The following ZNF521 variants were observed in gnomAD, a reference collection of about 807,000 sequenced individuals.
ZNF521 encodes the protein LYST-interacting protein 3.
In ZNF521, 14 loss-of-function variants were observed where a neutral mutation model predicts 105.5. The observed-to-expected ratio is 0.13, with a 90% CI of 0.09 to 0.21. The LOEUF (loss-of-function observed/expected upper bound fraction) is 0.21. Ranked by LOEUF, ZNF521 falls within the 10% of genes least tolerant of loss-of-function variation. The pLI, the probability that ZNF521 is intolerant of heterozygous loss-of-function variation, is 1.00. For missense variants in ZNF521, 1,233 were observed against 1,629.7 expected (o/e 0.76, Z 4.19); for synonymous variants, 635 against 606.0 (o/e 1.05, Z -0.70).
chr18:25,065,891 G>T (rs991876749), intron 7 of ZNF521, among the ~76,000 whole-genome samples: 5 of 152,158 alleles, frequency 3.3e-5, no homozygotes. Context: ...GCAAGGACAT[G>T]AACAAATACA....
At chr18:25,141,215 A>C (rs1317190129) in intron 5 of ZNF521, among the ~76,000 whole-genome samples, 1 of 152,226 alleles carries the variant, frequency 6.6e-6, no homozygotes, top group East Asian at 1.9e-4. Context: ...TGACTGAATT[A>C]GAGGAATTTT....
At position 25,320,179 on chromosome 18, in the gene ZNF521, TC is replaced by T. The variant is rs757620463; in HGVS notation, c.220+1828del. 1.1e-3 allele frequency among the ~76,000 whole-genome samples: 164 copies of T among 152,314 alleles called. 3 individuals are homozygous for T. Among genetic ancestry groups the T allele is most frequent in the Non-Finnish European group, 1.2e-3 (85 of 68,034 alleles). Reference sequence around the variant, plus strand: ...ATCTATTTGTGTTAAAGGTTAACTTTCTTTTTTTTTGAGACAGAGTTTCGTT... The same window carrying T: ...ATCTATTTGTGTTAAAGGTTAACTTTTTTTTTTTTGAGACAGAGTTTCGTT... On this transcript the variant is annotated intron_variant, in intron 3 of 7. Transcript: ENST00000361524.
At position 25,282,753 on chromosome 18, in the gene ZNF521, CT is replaced by C. The variant is rs202204251; in HGVS notation, c.220+39254del. ...ATTATTTTAGTAAAAAATCCTACTG[CT>C]TTTTTTTCCCCCCTTTAGGCCTTTA... On this transcript the variant is annotated intron_variant, in intron 3 of 7. Transcript: ENST00000361524. Among the ~76,000 whole-genome samples the C allele has an allele frequency of 5.3e-3, 813 of 152,018 alleles. 8 individuals carry two copies. The highest frequency in any genetic ancestry group is 0.016 in the African/African-American group (683 of 41,462).
At chr18:25,312,399 T>G (rs2145112978) in intron 3 of ZNF521, among the ~76,000 whole-genome samples, 1 of 152,282 alleles carries the variant, frequency 6.6e-6, no homozygotes, top group South Asian at 2.1e-4. Flanking sequence ...GTACTAATAT[T>G]CAAAAACTTC....
chr18:25,073,478 T>C (rs576075775), intron 7 of ZNF521, among the ~76,000 whole-genome samples: 1 of 152,326 alleles, frequency 6.6e-6, no homozygotes, highest in East Asian at 1.9e-4. Flanking sequence ...CATTGAAATT[T>C]AGTTACACAC....
intron 5 of ZNF521, among the ~76,000 whole-genome samples, chr18:25,134,099 C>T (rs149744670): frequency 2.1e-4 from 32 of 152,200 alleles, no homozygotes; most frequent in East Asian, 1.2e-3. Context: ...TTACTGCTGG[C>T]GGCCTATAAA....
At chr18:25,172,640 C>G (rs2035468054) in intron 5 of ZNF521, among the ~76,000 whole-genome samples, 1 of 152,136 alleles carries the variant, frequency 6.6e-6, no homozygotes, top group African/African-American at 2.4e-5. Flanking sequence ...ATAGACATTA[C>G]TAAATGCGTT....
At chr18:25,203,007 G>A (rs1341150211) in intron 4 of ZNF521, among the ~76,000 whole-genome samples, 2 of 152,152 alleles carry the variant, frequency 1.3e-5, no homozygotes, top group African/African-American at 4.8e-5. Flanking sequence ...AAAAATCCAT[G>A]TAACACTTTA....
At chr18:25,197,438 T>G (rs2035921656) in intron 4 of ZNF521, among the ~76,000 whole-genome samples, 1 of 151,872 alleles carries the variant, frequency 6.6e-6, no homozygotes, top group South Asian at 2.1e-4. Context: ...AAAATTCATT[T>G]TTACCCTTAA....
chr18:25,226,913 C>T lies in ZNF521; in HGVS notation c.1005G>A (p.Pro335=), dbSNP rs746760197. 58 of 1,613,742 alleles carry T rather than the reference C, an allele frequency of 3.6e-5. No individual in the cohort carries two copies. The highest frequency in any genetic ancestry group is 1.6e-4 in the Middle Eastern group (1 of 6,084). ...GGCTGTTGCTGTGATTGCATGACTC[C>T]GGTTGCTGGTGACTGTCCATGTGGC... The part of the protein sequence containing the change: ...LYSHMDSHQQ[P]ESCNHSNSPS... The change falls in exon 4 of 8, where the codon CCG becomes CCA. Residue 335 remains proline (P), a synonymous_variant. Transcript: ENST00000361524. The surrounding 1 kb of genome is among the most constrained non-coding windows in gnomAD (Gnocchi z 4.1).
chr18:25,106,519 C>A (rs896963490), intron 5 of ZNF521, among the ~76,000 whole-genome samples: 12 of 152,086 alleles, frequency 7.9e-5, no homozygotes, highest in African/African-American at 2.9e-4. Context: ...ATCACAATAG[C>A]AGCACATTAC....
intron 4 of ZNF521, among the ~76,000 whole-genome samples, chr18:25,206,304 G>A (rs558262342): frequency 1.4e-4 from 22 of 152,170 alleles, no homozygotes; most frequent in African/African-American, 4.8e-4. Context: ...CAGAGCCACC[G>A]CGCCCGGCCC....
At chr18:25,274,094 AG>A (rs1909879145) in intron 3 of ZNF521, among the ~76,000 whole-genome samples, 1 of 152,206 alleles carries the variant, frequency 6.6e-6, no homozygotes, top group African/African-American at 2.4e-5. Context: ...CCAAAGGGCA[AG>A]GGAAGAACCT....
intron 3 of ZNF521, among the ~76,000 whole-genome samples, chr18:25,316,545 A>C (rs1477197753): frequency 6.6e-6 from 1 of 152,140 alleles, no homozygotes; most frequent in African/African-American, 2.4e-5. Context: ...CAAGCAAGAA[A>C]GCAAAAGCAT....
intron 7 of ZNF521, among the ~76,000 whole-genome samples, chr18:25,080,034 G>A (rs1251134161): frequency 7.2e-5 from 11 of 152,202 alleles, no homozygotes; most frequent in Non-Finnish European, 7.3e-5. Flanking sequence ...TCCAGTGAAG[G>A]ATGGTCTCCT....
At chr18:25,306,411 T>A (rs890297243) in intron 3 of ZNF521, among the ~76,000 whole-genome samples, 10 of 152,286 alleles carry the variant, frequency 6.6e-5, no homozygotes, top group Admixed American at 2.0e-4. Context: ...AAGGTGGGCA[T>A]AACCAGTAAT....
intron 5 of ZNF521, among the ~76,000 whole-genome samples, chr18:25,117,010 C>T (rs1567968765): frequency 1.0e-5 from 1 of 98,612 alleles, no homozygotes; most frequent in African/African-American, 4.7e-5. Context: ...TATACATACA[C>T]ACACACACAT....
intron 2 of ZNF521, among the ~76,000 whole-genome samples, chr18:25,335,296 C>A (rs983253902): frequency 1.3e-5 from 2 of 152,174 alleles, no homozygotes; most frequent in Non-Finnish European, 2.9e-5. Flanking sequence ...GTCACAAAGT[C>A]ATGGTGTGAC....
chr18:25,111,765 T>G (rs1406711059), intron 5 of ZNF521, among the ~76,000 whole-genome samples: 1 of 152,242 alleles, frequency 6.6e-6, no homozygotes, highest in Non-Finnish European at 1.5e-5. Context: ...CTGAATTCCC[T>G]GCCTCTAAGA....
Sources: allele counts gnomAD v4.1 joint callset (sites outside exome capture counted in the v4.1 genomes callset), GRCh38; gene constraint gnomAD v4.1.1; non-coding constraint Gnocchi (gnomAD v3.1); transcripts MANE v1.5; gene names NCBI Gene and HGNC (gene_info 2026-07-23, HGNC 2026-07-21).